Variants in OTC observed in about 807,000 individuals in gnomAD.
OTC encodes the protein ornithine transcarbamylase, mitochondrial.
Under a neutral mutation model 30.3 loss-of-function variants are expected in OTC, and 3 were observed. The observed-to-expected ratio is 0.10, with a 90% CI of 0.05 to 0.26. The LOEUF (loss-of-function observed/expected upper bound fraction) is 0.26. Ranked by LOEUF, OTC falls within the 10% of genes least tolerant of loss-of-function variation. The probability of loss-of-function intolerance (pLI) is 1.00; values close to 1 mark genes in which losing one functional copy is unlikely to be tolerated. For synonymous variants in OTC, 111 were observed against 99.7 expected (o/e 1.11, Z -0.67); for missense variants, 194 against 260.3 (o/e 0.75, Z 1.75).
At chrX:38,367,705 A>C (rs1342361243) in intron 2 of OTC, among the ~76,000 whole-genome samples, 1 of 106,075 alleles carries the variant, frequency 9.4e-6, no homozygotes, top group Admixed American at 1.0e-4. Context: ...TTTGTCTGAA[A>C]AGCATTTATT....
chrX:38,390,427 T>G (rs191654777), intron 4 of OTC, among the ~76,000 whole-genome samples: 8 of 112,008 alleles, frequency 7.1e-5, no homozygotes, highest in African/African-American at 1.9e-4. Context: ...TTGGCTGAAT[T>G]TGACAAAAAA....
intron 4 of OTC, among the ~76,000 whole-genome samples, chrX:38,382,194 C>T (rs2068380285): frequency 8.9e-6 from 1 of 111,742 alleles, no homozygotes; most frequent in South Asian, 3.8e-4. Context: ...TTAGGAAGTA[C>T]TAGTAGCTCA....
chrX:38,337,635 A>G, the OTC span, among the ~76,000 whole-genome samples: 1 of 112,108 alleles, frequency 8.9e-6, no homozygotes, highest in Non-Finnish European at 1.9e-5. Flanking sequence ...TGGATTCGGT[A>G]TAGATGCTCG....
At chrX:38,395,131 A>C (rs184057371) in intron 4 of OTC, among the ~76,000 whole-genome samples, 17,830 of 109,517 alleles carry the variant, frequency 0.16, 1,330 homozygotes, top group Middle Eastern at 0.24. Flanking sequence ...TGCCACCACA[A>C]CCGGCTAATT....
chrX:38,357,374 A>G (rs760061459), intron 1 of OTC, among the ~76,000 whole-genome samples: 1 of 112,955 alleles, frequency 8.9e-6, no homozygotes, highest in East Asian at 2.8e-4. Flanking sequence ...AAAAAAACAT[A>G]CACAAGAAAA....
At chrX:38,344,311 G>A in the OTC span, among the ~76,000 whole-genome samples, 5 of 110,419 alleles carry the variant, frequency 4.5e-5, no homozygotes, top group African/African-American at 1.7e-4. Context: ...GCTAATGGGT[G>A]ATTTCCTTTA....
intron 9 of OTC, among the ~76,000 whole-genome samples, chrX:38,418,648 T>C (rs1399104849): frequency 8.9e-6 from 1 of 111,881 alleles, no homozygotes; most frequent in Non-Finnish European, 1.9e-5. Context: ...GAGGGACTGG[T>C]GGGAGATAAT....
intron 3 of OTC, among the ~76,000 whole-genome samples, chrX:38,374,758 A>G (rs1296968727): frequency 8.9e-6 from 1 of 112,075 alleles, no homozygotes; most frequent in Non-Finnish European, 1.9e-5. Flanking sequence ...TGAAGTCTTC[A>G]TCCATAGTCC....
intron 3 of OTC, chrX:38,373,575 C>T (rs747437859): frequency 5.0e-4 from 56 of 112,509 alleles, no homozygotes; most frequent in African/African-American, 1.8e-3. Context: ...CATTATTTAA[C>T]ATTGGTATTT....
chrX:38,332,504 TTATATATATATA>T, the OTC span, among the ~76,000 whole-genome samples: 56 of 39,358 alleles, frequency 1.4e-3, 3 homozygotes, highest in Non-Finnish European at 2.2e-3. Flanking sequence ...GCCCTAGATT[TTATATATATATA>T]TATATATATA....
In OTC at chrX:38,411,817, G is replaced by A. The variant is rs1368462366; in HGVS notation, c.868-45G>A. On this transcript the variant is annotated intron_variant, in intron 8 of 9. Coordinates refer to ENST00000039007, the MANE Select transcript of OTC (RefSeq NM_000531.6). ...GATACTGAAGAAAACAAATATGACT[G>A]CCACATATAATAGTCAAAAAGTGGT... 1.1e-5 allele frequency: 13 copies of A among 1,180,581 alleles called. No individual in the cohort carries two copies. In the South Asian group the frequency reaches 2.3e-4, roughly 21 times the overall value.
chrX:38,377,893 A>C (rs776406793), intron 3 of OTC, among the ~76,000 whole-genome samples: 26 of 110,471 alleles, frequency 2.4e-4, no homozygotes, highest in Admixed American at 1.6e-3. Context: ...GCTGCAGTGC[A>C]GTGGTGCAGC....
chrX:38,328,070 A>G, the OTC span, among the ~76,000 whole-genome samples: 63 of 112,750 alleles, frequency 5.6e-4, no homozygotes, highest in African/African-American at 1.9e-3. Flanking sequence ...GCTGAGGTGT[A>G]TATGGTCCAC....
intron 6 of OTC, among the ~76,000 whole-genome samples, chrX:38,405,315 C>G (rs748582282): frequency 5.4e-5 from 6 of 111,853 alleles, no homozygotes; most frequent in Admixed American, 1.9e-4. Context: ...TACTCTTTCA[C>G]AGTTTTGGAG....
intron 4 of OTC, among the ~76,000 whole-genome samples, chrX:38,400,812 T>C (rs999307422): frequency 8.9e-6 from 1 of 112,769 alleles, no homozygotes; most frequent in South Asian, 3.7e-4. Context: ...TCACAGCAAG[T>C]TCTCTTCTGT....
chrX:38,356,722 G>T (rs777568228), intron 1 of OTC, among the ~76,000 whole-genome samples: 1 of 111,072 alleles, frequency 9.0e-6, no homozygotes, highest in East Asian at 2.8e-4. Flanking sequence ...CTGTTCATCA[G>T]CCTACAGGCT....
chrX:38,359,711 G>A lies in OTC; in HGVS notation c.77+6938G>A, dbSNP rs753917919. On this transcript the variant is annotated intron_variant, in intron 1 of 9. Transcript: ENST00000039007. Reference sequence around the variant, plus strand: ...GCTGGGATTACAGGCATGAGCCACCGCACCCGGCTGAAGTGATGTTTTTTA... The same window carrying A: ...GCTGGGATTACAGGCATGAGCCACCACACCCGGCTGAAGTGATGTTTTTTA... Among the ~76,000 whole-genome samples the A allele has an allele frequency of 4.6e-4, 51 of 110,109 alleles. 1 individual carries two copies. The highest frequency in any genetic ancestry group is 1.7e-3 in the African/African-American group (50 of 30,279).
intron 9 of OTC, among the ~76,000 whole-genome samples, chrX:38,420,085 A>G (rs746590145): frequency 2.7e-5 from 3 of 111,546 alleles, no homozygotes; most frequent in Non-Finnish European, 3.8e-5. Flanking sequence ...TGCACATTGT[A>G]TACATATATC....
At chrX:38,412,139 CTT>C in intron 9 of OTC, 140 bp downstream of exon 9, 1 of 565,825 alleles carries the variant, frequency 1.8e-6, no homozygotes, top group Non-Finnish European at 3.0e-6. Flanking sequence ...TTTCCAGAAA[CTT>C]TATAATACAT....
Sources: allele counts gnomAD v4.1 joint callset (sites outside exome capture counted in the v4.1 genomes callset), GRCh38; gene constraint gnomAD v4.1.1; transcripts MANE v1.5; gene names NCBI Gene and HGNC (gene_info 2026-07-23, HGNC 2026-07-21).